The following SMC6 variants were observed in gnomAD, a reference collection of about 807,000 sequenced individuals.
The protein encoded by SMC6 is structural maintenance of chromosomes 6.
SMC6 carries 79 observed loss-of-function variants against 142.2 expected under a neutral mutation model. The observed-to-expected ratio is 0.56, with a 90% CI of 0.46 to 0.67. The LOEUF is 0.67. Ranked by LOEUF, SMC6 falls within the 30% of genes least tolerant of loss-of-function variation. The pLI is 0.00. For synonymous variants in SMC6, 411 were observed against 412.4 expected, an observed-to-expected ratio of 1.00 and a Z score of 0.04; for missense variants, 1,072 against 1,284.0, an observed-to-expected ratio of 0.83 and a Z score of 2.52.
At chr2:17,692,700 C>T (rs1667789161) in intron 23 of SMC6, among the ~76,000 whole-genome samples, 1 of 152,172 alleles carries the variant, frequency 6.6e-6, no homozygotes, top group South Asian at 2.1e-4. Flanking sequence ...CCAAAATTCA[C>T]AAATGGGATC....
chr2:17,683,032 G>A (rs996887308), intron 24 of SMC6, among the ~76,000 whole-genome samples: 1 of 152,070 alleles, frequency 6.6e-6, no homozygotes, highest in Non-Finnish European at 1.5e-5. Context: ...GTATATTAAA[G>A]GACCGTCCCT....
In SMC6 at chr2:17,683,772, T is replaced by C; in HGVS notation, c.2679-9A>G. On this transcript the variant is annotated splice_polypyrimidine_tract_variant and intron_variant, in intron 23 of 27. Coordinates refer to ENST00000448223, the MANE Select transcript of SMC6 (RefSeq NM_001142286.2). Reference sequence around the variant, plus strand: ...TTGCTTCTTGGTACTGCCTATTATATAAACAAAATATTACGTAAAAAATAC... The same window carrying C: ...TTGCTTCTTGGTACTGCCTATTATACAAACAAAATATTACGTAAAAAATAC... 1 of 1,603,064 alleles carries C rather than the reference T, an allele frequency of 6.2e-7. No homozygotes were observed. The highest frequency in any genetic ancestry group is 8.5e-7 in the Non-Finnish European group (1 of 1,173,926).
chr2:17,707,995 TATACAC>T (rs1466435096), intron 17 of SMC6, among the ~76,000 whole-genome samples: 296 of 102,574 alleles, frequency 2.9e-3, no homozygotes, highest in African/African-American at 0.018. Flanking sequence ...TATGTATATA[TATACAC>T]ACACACACAC....
intron 24 of SMC6, chr2:17,679,715 C>CT (rs1367987796): frequency 3.9e-5 from 6 of 152,358 alleles, no homozygotes; most frequent in African/African-American, 4.8e-5. Flanking sequence ...ATGTGTCCCC[C>CT]CTTTTTTTTC....
In SMC6 at chr2:17,665,159, T is replaced by G. The variant is rs1666437157; in HGVS notation, c.*340A>C. 1 of 159,610 alleles carries G rather than the reference T, an allele frequency of 6.3e-6. No individual in the cohort carries two copies. The highest frequency in any genetic ancestry group is 1.4e-5 in the Non-Finnish European group (1 of 73,022). 9.9% of individuals were successfully genotyped at this position (159,610 alleles called of 1,614,324 possible). A position where few individuals can be genotyped will look rare whatever the true frequency, so the allele number is the denominator to read the frequency against. ...CAAACTTTTATTTTCTTACAAAATG[T>G]TATAGAAATGAACCCAAACTAAACA... On this transcript the variant is annotated 3_prime_UTR_variant, in exon 28 of 28. Coordinates refer to ENST00000448223, the MANE Select transcript of SMC6 (RefSeq NM_001142286.2).
At chr2:17,670,695 T>C (rs563036573) in intron 25 of SMC6, 120 bp from the exon 26 acceptor site, 1 of 1,044,128 alleles carries the variant, frequency 9.6e-7, no homozygotes, top group Admixed American at 3.4e-5. Flanking sequence ...ATAAAATGAC[T>C]TAGTGATTTG....
At chr2:17,730,124 T>C (rs1669834343) in intron 7 of SMC6, among the ~76,000 whole-genome samples, 3 of 152,190 alleles carry the variant, frequency 2.0e-5, no homozygotes, top group African/African-American at 7.2e-5. Flanking sequence ...CTAGACAGCC[T>C]TAAGTATAAA....
chr2:17,703,265 C>G lies in SMC6; in HGVS notation c.2034G>C (p.Lys678Asn), dbSNP rs779252487. The change falls in exon 19 of 28, where the codon AAG becomes AAC. Residue 678 changes from lysine to asparagine, a missense_variant. Physicochemically the swap from Lys to Asn is moderately conservative, Grantham distance 94. Around this residue, in one of 3 missense-constraint regions of SMC6, gnomAD observed 994 missense variants for 1,153.2 expected, o/e 0.86. Transcript: ENST00000448223. ...ISDLENEVEN[K>N]TAQILNLQQH... ...GCTGAAGATTTAATATCTGGGCCGT[C>G]TTATTTTCAACCTCATTCTCCAAGT... The G allele has an allele frequency of 3.1e-6, 5 of 1,603,996 alleles. No individual in the cohort carries two copies. The highest frequency in any genetic ancestry group is 4.3e-6 in the Non-Finnish European group (5 of 1,176,180).
Position 17,696,396 on chromosome 2 carries a change from C to A in SMC6, c.2425G>T (p.Asp809Tyr). ...DELNLADSEV[D>Y]NQKRGKRHYE... ...TGTCGTTTCCCTCGTTTTTGGTTAT[C>A]CACTTCAGAATCAGCAAGGTTTAAT... is the stretch of plus-strand genomic sequence containing the variant. Residue 809 changes from aspartate to tyrosine, a missense_variant, in exon 22 of 28, where the codon GAT (aspartate) becomes TAT (tyrosine). Asp to Tyr is a radical substitution (Grantham distance 160). This residue lies in a region of SMC6 where 994 missense variants were observed against 1,153.2 expected (regional missense o/e 0.86). Coordinates refer to ENST00000448223, the MANE Select transcript of SMC6 (RefSeq NM_001142286.2). 1 of 1,610,114 alleles carries A rather than the reference C, an allele frequency of 6.2e-7. No homozygotes were observed. Among genetic ancestry groups the A allele is most frequent in the Non-Finnish European group, 8.5e-7 (1 of 1,179,136 alleles).
intron 9 of SMC6, among the ~76,000 whole-genome samples, chr2:17,723,971 A>C (rs189009271): frequency 6.6e-6 from 1 of 152,296 alleles, no homozygotes; most frequent in South Asian, 2.1e-4. Flanking sequence ...ATTCTCCTAC[A>C]TAATTTAGGG....
rs1666401640 is a variant in SMC6 at position 17,664,380 on chromosome 2, T to C, written c.*1119A>G. 6.6e-6 allele frequency: 1 copy of C among 152,180 alleles called. No individual in the cohort carries two copies. Among genetic ancestry groups the C allele is most frequent in the Non-Finnish European group, 1.5e-5 (1 of 68,018 alleles). The allele number at this position is 152,180 out of a possible 1,614,324, so 9.4% of individuals were successfully genotyped here. ...ACAAACAAAGTCCAGTTTTCCTCAA[T>C]AACTAGAGAACAGTCCCTGCTCTTA... is the stretch of plus-strand genomic sequence containing the variant. On this transcript the variant is annotated 3_prime_UTR_variant, in exon 28 of 28. Coordinates refer to ENST00000448223, the MANE Select transcript of SMC6 (RefSeq NM_001142286.2).
intron 16 of SMC6, among the ~76,000 whole-genome samples, chr2:17,711,409 A>G (rs577345721): frequency 2.0e-5 from 3 of 152,168 alleles, no homozygotes; most frequent in Non-Finnish European, 4.4e-5. Context: ...CAGAAAGTCT[A>G]AACAAAACAT....
rs193071412 is a variant in SMC6 at position 17,692,127 on chromosome 2, T to C, written c.2678+3025A>G. On this transcript the variant is annotated intron_variant, in intron 23 of 27. Transcript: ENST00000448223. The stretch of plus-strand genomic sequence containing the variant: ...ATCAATATCGTGAAAATGGCCACAC[T>C]GCCCAAGGTAATTTATAGATTCACT... Among the ~76,000 whole-genome samples the C allele has an allele frequency of 7.2e-3, 1,095 of 152,268 alleles. 11 individuals are homozygous for C. Among genetic ancestry groups the C allele is most frequent in the South Asian group, 0.025 (122 of 4,826 alleles).
At chr2:17,673,689 C>A (rs955727133) in intron 25 of SMC6, among the ~76,000 whole-genome samples, 3 of 151,454 alleles carry the variant, frequency 2.0e-5, no homozygotes, top group Admixed American at 1.3e-4. Context: ...CCTGCCTCAG[C>A]CTCCCGAGTA....
At chr2:17,676,750 T>C (rs1317942950) in intron 25 of SMC6, among the ~76,000 whole-genome samples, 3 of 152,188 alleles carry the variant, frequency 2.0e-5, no homozygotes, top group Non-Finnish European at 4.4e-5. Flanking sequence ...GTTTTCAGTG[T>C]ACAGGTCTTA....
chr2:17,686,003 T>G (rs1336792449), intron 23 of SMC6, among the ~76,000 whole-genome samples: 1 of 152,080 alleles, frequency 6.6e-6, no homozygotes, highest in Admixed American at 6.6e-5. Context: ...CTTAAATATA[T>G]GAAAAAATGT....
rs879582142 is a variant in SMC6 at position 17,728,547 on chromosome 2, C to CA, written c.544-2079dup. Among the ~76,000 whole-genome samples the CA allele has an allele frequency of 4.7e-3, 648 of 137,698 alleles. 2 individuals carry two copies. Among genetic ancestry groups the CA allele is most frequent in the African/African-American group, 8.6e-3 (323 of 37,488 alleles). The allele number at this position is 137,698 out of a possible 152,430, so 90.3% of individuals were successfully genotyped here. On this transcript the variant is annotated intron_variant, in intron 7 of 27. Transcript: ENST00000448223. Reference sequence around the variant, plus strand: ...CAAAACCCAGTCTCTAAAATCAAACCAAAAAAAAAAAGAATGTTGTAGCTT... The same window carrying CA: ...CAAAACCCAGTCTCTAAAATCAAACCAAAAAAAAAAAAGAATGTTGTAGCTT...
At chr2:17,693,246 G>T (rs1667815579) in intron 23 of SMC6, among the ~76,000 whole-genome samples, 1 of 152,136 alleles carries the variant, frequency 6.6e-6, no homozygotes, top group Admixed American at 6.5e-5. Context: ...AAAGACACAT[G>T]CACATGTATG....
At chr2:17,690,290 T>G (rs2124887454) in intron 23 of SMC6, among the ~76,000 whole-genome samples, 1 of 152,272 alleles carries the variant, frequency 6.6e-6, no homozygotes, top group African/African-American at 2.4e-5. Flanking sequence ...TAAAACAGTA[T>G]GGTTTTTAAA....
Sources: gnomAD v4.1 joint callset for allele counts (sites outside exome capture counted in the v4.1 genomes callset) on GRCh38, gnomAD v4.1.1 for gene constraint, gnomAD v4.1.1 regional missense constraint, MANE v1.5 for transcripts, NCBI Gene and HGNC (gene_info 2026-07-23, HGNC 2026-07-21) for gene names.